SUGCT: variants seen among roughly 807,000 people sequenced by gnomAD.
SUGCT encodes succinyl-CoA:glutarate CoA-transferase.
SUGCT carries 41 observed loss-of-function variants against 55.0 expected under a neutral mutation model. That is an observed-to-expected ratio of 0.74 (90% CI 0.58 to 0.97). The LOEUF (loss-of-function observed/expected upper bound fraction) is 0.97. Ranked by LOEUF, SUGCT falls within the 50% of genes least tolerant of loss-of-function variation. The pLI, the probability that SUGCT is intolerant of heterozygous loss-of-function variation, is 0.00. For synonymous variants in SUGCT, 187 were observed against 200.4 expected, an observed-to-expected ratio of 0.93 and a Z score of 0.56; for missense variants, 568 against 547.8, an observed-to-expected ratio of 1.04 and a Z score of -0.37.
intron 12 of SUGCT, among the ~76,000 whole-genome samples, chr7:40,657,418 G>A (rs984395713): frequency 6.6e-6 from 1 of 152,076 alleles, no homozygotes; most frequent in Admixed American, 6.6e-5. Context: ...ATAATTATTA[G>A]ATTCTGTTTT....
At position 40,415,061 on chromosome 7, in the gene SUGCT, A is replaced by AATCT. The variant is rs58954731; in HGVS notation, c.817-34175_817-34172dup. Among the ~76,000 whole-genome samples the AATCT allele has an allele frequency of 2.7e-3, 170 of 63,604 alleles. 1 individual carries two copies. The highest frequency in any genetic ancestry group is 7.9e-3 in the African/African-American group (114 of 14,354). The allele number at this position is 63,604 out of a possible 152,430, so 41.7% of individuals were successfully genotyped here. On this transcript the variant is annotated intron_variant, in intron 9 of 13. Transcript: ENST00000335693. ...CTCTGTCACAAAAAAAAAAAAAAAA[A>AATCT]ATCTATCTATCTATCTATCTATCTA...
chr7:40,916,070 T>TACACAC, the SUGCT span, among the ~76,000 whole-genome samples: 520 of 144,836 alleles, frequency 3.6e-3, 7 homozygotes, highest in African/African-American at 8.6e-3. Context: ...TCTCTCTACA[T>TACACAC]ACACACACAC....
intron 6 of SUGCT, among the ~76,000 whole-genome samples, chr7:40,201,408 A>G (rs1485281037): frequency 6.6e-6 from 1 of 152,232 alleles, no homozygotes; most frequent in Non-Finnish European, 1.5e-5. Context: ...TTAATAGATG[A>G]TATTAAAGGG....
At chr7:40,647,477 A>G (rs1800578113) in intron 12 of SUGCT, among the ~76,000 whole-genome samples, 1 of 152,188 alleles carries the variant, frequency 6.6e-6, no homozygotes, top group South Asian at 2.1e-4. Flanking sequence ...TATATGAGCA[A>G]AAACCTTTCT....
At chr7:40,896,374 A>C in the SUGCT span, among the ~76,000 whole-genome samples, 2 of 152,188 alleles carry the variant, frequency 1.3e-5, no homozygotes, top group African/African-American at 4.8e-5. Context: ...TGAAAGAATT[A>C]ATATTGGTAA....
At chr7:40,726,439 A>G (rs1786615809) in intron 12 of SUGCT, among the ~76,000 whole-genome samples, 1 of 152,108 alleles carries the variant, frequency 6.6e-6, no homozygotes, top group Admixed American at 6.6e-5. Flanking sequence ...AGGGGGGAGC[A>G]GAAAGAAGGG....
chr7:40,941,578 G>C, the SUGCT span, among the ~76,000 whole-genome samples: 2 of 152,020 alleles, frequency 1.3e-5, no homozygotes, highest in South Asian at 2.1e-4. Flanking sequence ...ATATATGTTA[G>C]GTCTATTTGT....
intron 11 of SUGCT, among the ~76,000 whole-genome samples, chr7:40,462,938 GCTGTAC>G (rs1035402886): frequency 2.0e-5 from 3 of 151,968 alleles, no homozygotes; most frequent in African/African-American, 7.3e-5. Context: ...ACAGTTATAG[GCTGTAC>G]CTGTTACTCA....
intron 12 of SUGCT, among the ~76,000 whole-genome samples, chr7:40,726,307 C>G (rs1786607973): frequency 6.6e-6 from 1 of 151,438 alleles, no homozygotes; most frequent in South Asian, 2.1e-4. Flanking sequence ...ATAAAGTAAG[C>G]TAGAGGAAAA....
intron 7 of SUGCT, among the ~76,000 whole-genome samples, chr7:40,254,102 TTA>T (rs908166798): frequency 5.3e-4 from 80 of 152,378 alleles, no homozygotes; most frequent in African/African-American, 1.9e-3. Context: ...TTTGTTTTTC[TTA>T]TATTTGACCC....
chr7:40,924,587 C>T, the SUGCT span, among the ~76,000 whole-genome samples: 1 of 152,138 alleles, frequency 6.6e-6, no homozygotes, highest in Non-Finnish European at 1.5e-5. Flanking sequence ...CAGGAAGATG[C>T]TCCAGGACTG....
At chr7:40,641,595 G>A (rs569363535) in intron 12 of SUGCT, among the ~76,000 whole-genome samples, 3 of 152,266 alleles carry the variant, frequency 2.0e-5, no homozygotes, top group African/African-American at 7.2e-5. Context: ...TACAAGGCAG[G>A]TAAGCCTTCA....
the SUGCT span, among the ~76,000 whole-genome samples, chr7:41,014,796 A>G: frequency 6.6e-6 from 1 of 152,208 alleles, no homozygotes; most frequent in Non-Finnish European, 1.5e-5. Flanking sequence ...GTTTGTTGTT[A>G]TTAGATTTAT....
intron 12 of SUGCT, among the ~76,000 whole-genome samples, chr7:40,745,124 A>T (rs538112374): frequency 3.3e-5 from 5 of 152,332 alleles, no homozygotes; most frequent in African/African-American, 1.2e-4. Flanking sequence ...TGAATAGGTC[A>T]TATCATTATC....
chr7:41,016,352 T>C, the SUGCT span, among the ~76,000 whole-genome samples: 2 of 152,192 alleles, frequency 1.3e-5, no homozygotes, highest in African/African-American at 4.8e-5. Flanking sequence ...AGAAATGTAT[T>C]ATTTTGTATT....
At chr7:40,777,761 C>G (rs1789538350) in intron 13 of SUGCT, among the ~76,000 whole-genome samples, 1 of 151,944 alleles carries the variant, frequency 6.6e-6, no homozygotes. Context: ...TTACCAGAAA[C>G]AGACATGTAC....
the SUGCT span, among the ~76,000 whole-genome samples, chr7:40,960,022 C>T: frequency 2.0e-5 from 3 of 152,246 alleles, no homozygotes; most frequent in African/African-American, 4.8e-5. Context: ...TAACCAGTCC[C>T]ATTGAGATGT....
At chr7:40,135,303 A>G in intron 1 of SUGCT, among the ~76,000 whole-genome samples, 183 bp downstream of exon 1, 1 of 152,184 alleles carries the variant, frequency 6.6e-6, no homozygotes, top group Admixed American at 6.5e-5. Context: ...CTGGCCGCCC[A>G]GGGTCGCCTC....
chr7:40,530,046 T>G (rs905690231), intron 12 of SUGCT, among the ~76,000 whole-genome samples: 6 of 152,202 alleles, frequency 3.9e-5, no homozygotes, highest in Non-Finnish European at 8.8e-5. Flanking sequence ...TGCCTTTAAA[T>G]TCTATCCTGC....
Sources: gnomAD v4.1 joint callset for allele counts (sites outside exome capture counted in the v4.1 genomes callset) on GRCh38, gnomAD v4.1.1 for gene constraint, MANE v1.5 for transcripts, NCBI Gene and HGNC (gene_info 2026-07-23, HGNC 2026-07-21) for gene names.